Variants in SBF2 observed in about 807,000 individuals in gnomAD.
The protein encoded by SBF2 is myotubularin-related protein 13.
A neutral mutation model predicts 225.2 loss-of-function variants in SBF2; 112 were observed. That is an observed-to-expected ratio of 0.50 (90% CI 0.43 to 0.58). The LOEUF is 0.58. Ranked by LOEUF, SBF2 falls within the 20% of genes least tolerant of loss-of-function variation. The pLI is 0.00. For missense variants in SBF2, 1,996 were observed against 2,206.2 expected, an observed-to-expected ratio of 0.90 and a Z score of 1.91; for synonymous variants, 763 against 773.3, an observed-to-expected ratio of 0.99 and a Z score of 0.22.
intron 16 of SBF2, among the ~76,000 whole-genome samples, chr11:9,933,829 T>TA (rs1482067255): frequency 2.4e-4 from 37 of 151,986 alleles, no homozygotes; most frequent in Admixed American, 2.3e-3. Context: ...CTGAAAGAGA[T>TA]AGAGACACAA....
chr11:10,104,666 T>G (rs1165180797), intron 2 of SBF2, among the ~76,000 whole-genome samples: 1 of 152,136 alleles, frequency 6.6e-6, no homozygotes, highest in Non-Finnish European at 1.5e-5. Context: ...GTCTCCAGAG[T>G]TCCAAAATAG....
chr11:9,803,476 C>A lies in SBF2; in HGVS notation c.4443+4524G>T, dbSNP rs763916889. Among the ~76,000 whole-genome samples the A allele has an allele frequency of 1.1e-4, 17 of 152,158 alleles. 1 individual carries two copies. The highest frequency in any genetic ancestry group is 4.1e-4 in the South Asian group (2 of 4,828). On this transcript the variant is annotated intron_variant, in intron 32 of 39. Transcript: ENST00000256190. Reference sequence around the variant, plus strand: ...ATCTAGACCTCTCCCACTCCTCCCCCCCAGCCCCATCCCCAATAATAAAAT... The same window carrying A: ...ATCTAGACCTCTCCCACTCCTCCCCACCAGCCCCATCCCCAATAATAAAAT...
intron 2 of SBF2, among the ~76,000 whole-genome samples, chr11:10,043,542 C>G (rs1271265239): frequency 6.6e-6 from 1 of 151,874 alleles, no homozygotes; most frequent in Non-Finnish European, 1.5e-5. Context: ...AGGCAGATAG[C>G]TGGAAAATCC....
chr11:10,208,900 G>A (rs879591867), intron 1 of SBF2, among the ~76,000 whole-genome samples: 8 of 152,026 alleles, frequency 5.3e-5, no homozygotes, highest in African/African-American at 1.9e-4. Context: ...TTATATTTAC[G>A]TTTTCTTCCA....
chr11:10,031,710 A>G (rs1590799206), intron 3 of SBF2, among the ~76,000 whole-genome samples: 1 of 152,306 alleles, frequency 6.6e-6, no homozygotes, highest in East Asian at 1.9e-4. Context: ...GCTTTTGTTC[A>G]TAAGCAACAA....
intron 2 of SBF2, among the ~76,000 whole-genome samples, chr11:10,158,810 T>C (rs1955587781): frequency 2.0e-5 from 3 of 152,204 alleles, no homozygotes; most frequent in Admixed American, 2.0e-4. Context: ...TCATCCCCAG[T>C]AGGATTTATC....
At chr11:10,108,890 G>C (rs948937728) in intron 2 of SBF2, among the ~76,000 whole-genome samples, 1 of 152,072 alleles carries the variant, frequency 6.6e-6, no homozygotes, top group African/African-American at 2.4e-5. Flanking sequence ...AGTAACATTA[G>C]CATACATAAG....
chr11:9,915,445 CAAAAAAAA>C (rs60692182), intron 16 of SBF2, among the ~76,000 whole-genome samples: 3 of 109,638 alleles, frequency 2.7e-5, no homozygotes, highest in East Asian at 5.8e-4. Flanking sequence ...GAGTCCGTCT[CAAAAAAAA>C]AAAAAAAAAA....
chr11:10,065,830 C>G (rs1950604587), intron 2 of SBF2, among the ~76,000 whole-genome samples: 1 of 152,088 alleles, frequency 6.6e-6, no homozygotes, highest in East Asian at 1.9e-4. Flanking sequence ...TGTCTGTAAT[C>G]CCAGCTACTC....
At chr11:10,068,603 C>T (rs77185050) in intron 2 of SBF2, among the ~76,000 whole-genome samples, 18 of 152,190 alleles carry the variant, frequency 1.2e-4, no homozygotes, top group South Asian at 2.1e-4. Context: ...ATATACCTTA[C>T]GTAGCTTTTA....
chr11:9,923,838 C>G (rs560871449), intron 16 of SBF2, among the ~76,000 whole-genome samples: 1 of 152,150 alleles, frequency 6.6e-6, no homozygotes, highest in South Asian at 2.1e-4. Flanking sequence ...GCAATAAAAT[C>G]CAAACTAAGA....
rs764753779 is a variant in SBF2, at chr11:10,001,019, A to G, written c.756T>C (p.Tyr252=). The part of the protein sequence containing the change: ...ESLMFPLKYS[Y]PYIPILPAQL... ...GAGCCGGGAGAATAGGGATATAAGG[A>G]TAACTGGAAATAATAAAAATATGCG... The change falls in exon 8 of 40, where the codon TAT becomes TAC. Residue 252 remains tyrosine (Y), a synonymous_variant. Transcript: ENST00000256190. 24 of 1,483,280 alleles carry G rather than the reference A, an allele frequency of 1.6e-5. No homozygotes were observed. In the East Asian group the frequency reaches 5.0e-4, roughly 31 times the overall value. The allele number at this position is 1,483,280 out of a possible 1,614,324, so 91.9% of individuals were successfully genotyped here.
intron 22 of SBF2, among the ~76,000 whole-genome samples, chr11:9,848,602 A>G (rs1339864996): frequency 6.6e-6 from 1 of 152,280 alleles, no homozygotes; most frequent in African/African-American, 2.4e-5. Context: ...AAATGACCAC[A>G]TAAGTATCAC....
intron 14 of SBF2, among the ~76,000 whole-genome samples, chr11:9,966,058 T>C (rs758331593): frequency 1.3e-5 from 2 of 152,100 alleles, no homozygotes. Context: ...TAGGCTGAGT[T>C]ATTAGAAAAA....
upstream of SBF2, chr11:10,294,280 C>T (rs919082537): frequency 2.7e-5 from 10 of 372,854 alleles, no homozygotes; most frequent in African/African-American, 1.9e-4. Context: ...GGCTCGGCTG[C>T]CCCAAGCCCG....
chr11:9,782,349 A>G (rs1393520264), intron 38 of SBF2, among the ~76,000 whole-genome samples: 2 of 152,204 alleles, frequency 1.3e-5, no homozygotes, highest in Non-Finnish European at 2.9e-5. Context: ...AGAAATACAA[A>G]TGATCTATAA....
intron 16 of SBF2, among the ~76,000 whole-genome samples, chr11:9,931,669 G>T (rs1473888806): frequency 1.3e-5 from 2 of 152,182 alleles, no homozygotes; most frequent in Non-Finnish European, 2.9e-5. Flanking sequence ...CACAAAGATG[G>T]GGAGAAACCA....
At chr11:9,869,265 C>T (rs1858511604) in intron 17 of SBF2, among the ~76,000 whole-genome samples, 1 of 152,200 alleles carries the variant, frequency 6.6e-6, no homozygotes, top group South Asian at 2.1e-4. Flanking sequence ...ATTCTTAAAT[C>T]TGTTTAGAAA....
intron 28 of SBF2, among the ~76,000 whole-genome samples, chr11:9,822,289 C>CT (rs1470839807): frequency 1.5e-5 from 2 of 132,810 alleles, no homozygotes; most frequent in African/African-American, 2.9e-5. Context: ...GAGACGGAGT[C>CT]TCGCTCTGTC....
Sources: gnomAD v4.1 joint callset for allele counts (sites outside exome capture counted in the v4.1 genomes callset) on GRCh38, gnomAD v4.1.1 for gene constraint, MANE v1.5 for transcripts, NCBI Gene and HGNC (gene_info 2026-07-23, HGNC 2026-07-21) for gene names.